ZNF880: variants seen among roughly 807,000 people sequenced by gnomAD.
ZNF880 encodes zinc finger protein 880.
A neutral mutation model predicts 11.8 loss-of-function variants in ZNF880; 12 were observed. The observed-to-expected ratio is 1.02, with a 90% confidence interval of 0.65 to 1.65. The LOEUF (loss-of-function observed/expected upper bound fraction) is 1.65, where lower values mean the gene tolerates loss of function less well. Among genes scored for constraint, ZNF880 ranks in the 40% most tolerant of loss-of-function variants. The pLI is 0.00. For synonymous variants in ZNF880, 210 were observed against 232.4 expected (o/e 0.90, Z 0.88); for missense variants, 601 against 673.9 (o/e 0.89, Z 1.20).
At chr19:52,392,797 T>TCAGATGGG in the ZNF880 span, 1 of 221,936 alleles carries the variant, frequency 4.5e-6, no homozygotes, top group South Asian at 9.4e-5. Context: ...AGGTAAGAGC[T>TCAGATGGG]CAGATGGGCA....
At chr19:52,373,349 C>T in intron 2 of ZNF880, 112 bp downstream of exon 2, 2 of 1,114,102 alleles carry the variant, frequency 1.8e-6, no homozygotes, top group Non-Finnish European at 2.5e-6. Context: ...GAGATTGAAA[C>T]CCTGTTGACT....
Position 52,384,983 on chromosome 19 carries a change from A to C in ZNF880, c.1403A>C (p.Glu468Ala), listed in dbSNP as rs1454263424. ...GGAGAGAAACCTTACAGATGTGATG[A>C]ATGTGGCAAGGACTTCACTCGAAAT... is the stretch of plus-strand genomic sequence containing the variant. The part of the protein sequence containing the change: ...HTGEKPYRCD[E>A]CGKDFTRNSN... The change falls in exon 4 of 4, where the codon GAA (glutamate) becomes GCA (alanine). Residue 468 changes from glutamate (E) to alanine (A), a missense_variant. Physicochemically the swap from Glu to Ala is moderately radical, Grantham distance 107. Around this residue, in one of 3 missense-constraint regions of ZNF880, gnomAD observed 177 missense variants for 214.5 expected, o/e 0.83. Coordinates refer to ENST00000422689, the MANE Select transcript of ZNF880 (RefSeq NM_001145434.2). 1 of 1,567,182 alleles carries C rather than the reference A, an allele frequency of 6.4e-7. No individual in the cohort carries two copies.
At chr19:52,370,022 C>T (rs1986315577) in intron 1 of ZNF880, 45 bp downstream of exon 1, 1 of 1,551,262 alleles carries the variant, frequency 6.4e-7, no homozygotes. Context: ...GCTGAGTCCC[C>T]TCGCGCTTCT....
intron 1 of ZNF880, among the ~76,000 whole-genome samples, chr19:52,371,776 G>C (rs556837126): frequency 6.6e-6 from 1 of 152,298 alleles, no homozygotes; most frequent in South Asian, 2.1e-4. Flanking sequence ...TAGAATGTCT[G>C]AGAAAGAGTT....
downstream of ZNF880, chr19:52,390,446 T>C: frequency 3.5e-6 from 1 of 289,840 alleles, no homozygotes; most frequent in Non-Finnish European, 7.2e-6. Flanking sequence ...TCCCCAGGCC[T>C]CCCCTTCTCC....
At chr19:52,369,859 G>C, upstream of ZNF880, 18 of 1,429,580 alleles carry the variant, frequency 1.3e-5, no homozygotes, top group Non-Finnish European at 1.7e-5. Context: ...GAGGCGGAGG[G>C]AAGCGCAGGC....
chr19:52,393,822 C>T, the ZNF880 span, among the ~76,000 whole-genome samples: 2 of 139,894 alleles, frequency 1.4e-5, no homozygotes, highest in Non-Finnish European at 1.5e-5. Context: ...ACATGTATTT[C>T]TTTGCCCCCC....
At chr19:52,369,840 G>A (rs545422006), upstream of ZNF880, 191 of 1,262,904 alleles carry the variant, frequency 1.5e-4, no homozygotes, top group African/African-American at 2.6e-3. Flanking sequence ...AACGAGACGA[G>A]CTGGGAGCGA....
the ZNF880 span, among the ~76,000 whole-genome samples, chr19:52,391,932 C>T: frequency 3.3e-5 from 5 of 152,124 alleles, no homozygotes; most frequent in Admixed American, 6.5e-5. Context: ...GCCTCATCTC[C>T]GGTCATCAAA....
At chr19:52,372,578 G>A (rs1407080181) in intron 1 of ZNF880, among the ~76,000 whole-genome samples, 8 of 148,536 alleles carry the variant, frequency 5.4e-5, no homozygotes, top group African/African-American at 1.2e-4. Context: ...GTGAGCCACC[G>A]CGCCCGGCCT....
chr19:52,393,304 C>G, the ZNF880 span, among the ~76,000 whole-genome samples: 1 of 151,792 alleles, frequency 6.6e-6, no homozygotes, highest in Non-Finnish European at 1.5e-5. Flanking sequence ...AACTGCTGTC[C>G]TCATTTGATC....
In ZNF880 at chr19:52,384,968, C is replaced by A; in HGVS notation, c.1388C>A (p.Pro463His). The part of the protein sequence containing the change: ...NHQRFHTGEK[P>H]YRCDECGKDF... ...CAGAGATTTCATACTGGAGAGAAAC[C>A]TTACAGATGTGATGAATGTGGCAAG... is the stretch of plus-strand genomic sequence containing the variant. The change falls in exon 4 of 4, where the codon CCT (proline) becomes CAT (histidine). Residue 463 changes from proline to histidine, a missense_variant. This residue lies in a region of ZNF880 where 177 missense variants were observed against 214.5 expected (regional missense o/e 0.83). Transcript: ENST00000422689. 1 of 1,569,648 alleles carries A rather than the reference C, an allele frequency of 6.4e-7. No individual in the cohort carries two copies. The highest frequency in any genetic ancestry group is 2.3e-5 in the East Asian group (1 of 42,686).
rs772668915 is a variant in ZNF880, at chr19:52,369,973, G to A, written c.8G>A (p.Arg3Gln). 1.9e-6 allele frequency: 3 copies of A among 1,551,592 alleles called. No homozygotes were observed. Among genetic ancestry groups the A allele is most frequent in the South Asian group, 2.4e-5 (2 of 84,054 alleles). Residue 3 changes from arginine (R) to glutamine (Q), a missense_variant, in exon 1 of 4, where the codon CGG becomes CAG. Arg to Gln is a conservative substitution (Grantham distance 43). Transcript: ENST00000422689. ML[R>Q]RGHLAFRDVA... ...TTACGTGGAGTGACGGTCATGCTGC[G>A]GCGTGTGAGTTTCCCTTTGTTTAGA...
intron 3 of ZNF880, among the ~76,000 whole-genome samples, chr19:52,379,156 C>T (rs368282466): frequency 6.6e-6 from 1 of 151,886 alleles, no homozygotes. Flanking sequence ...TCTTTGTCTT[C>T]TTTGTTTTAT....
chr19:52,391,909 C>A, the ZNF880 span, among the ~76,000 whole-genome samples: 1 of 152,274 alleles, frequency 6.6e-6, no homozygotes, highest in East Asian at 1.9e-4. Flanking sequence ...ATAGTGAATG[C>A]TCAACACAGA....
chr19:52,370,304 G>T, intron 1 of ZNF880: 1 of 367,232 alleles, frequency 2.7e-6, no homozygotes, highest in Non-Finnish European at 5.1e-6. Flanking sequence ...ACGTCTTTCC[G>T]GTCCCCCAAG....
At chr19:52,383,471 A>G (rs1237893283) in intron 3 of ZNF880, among the ~76,000 whole-genome samples, 6 of 151,796 alleles carry the variant, frequency 4.0e-5, no homozygotes, top group African/African-American at 1.5e-4. Flanking sequence ...AGGAACAGCC[A>G]CTCCTTTTCT....
At chr19:52,366,953 T>C, upstream of ZNF880, 1 of 565,384 alleles carries the variant, frequency 1.8e-6, no homozygotes. Context: ...ATAAATAATC[T>C]ATAAAGAGAG....
At chr19:52,395,447 A>C in the ZNF880 span, 2 of 152,188 alleles carry the variant, frequency 1.3e-5, no homozygotes. Flanking sequence ...ATTCCCACAA[A>C]ATGTACGAAA....
Sources: allele counts gnomAD v4.1 joint callset (sites outside exome capture counted in the v4.1 genomes callset), GRCh38; gene constraint gnomAD v4.1.1; regional missense constraint gnomAD v4.1.1; transcripts MANE v1.5; gene names NCBI Gene and HGNC (gene_info 2026-07-23, HGNC 2026-07-21).